The following TBC1D9B variants were observed in gnomAD, a reference collection of about 807,000 sequenced individuals.
The protein encoded by TBC1D9B is TBC1 domain family member 9B.
TBC1D9B carries 87 observed loss-of-function variants against 121.1 expected under a neutral mutation model. That is an observed-to-expected ratio of 0.72 (90% CI 0.60 to 0.86). TBC1D9B has a LOEUF of 0.86. Among genes scored for constraint, TBC1D9B ranks in the 40% least tolerant of loss-of-function variants. TBC1D9B has a pLI of 0.00. For synonymous variants in TBC1D9B, 668 were observed against 670.1 expected, an observed-to-expected ratio of 1.00 and a Z score of 0.05; for missense variants, 1,540 against 1,628.6, an observed-to-expected ratio of 0.95 and a Z score of 0.94.
intron 2 of TBC1D9B, among the ~76,000 whole-genome samples, chr5:179,900,351 C>A (rs572888787): frequency 1.3e-4 from 20 of 152,280 alleles, no homozygotes; most frequent in African/African-American, 4.6e-4. Context: ...TGGCCTGGCT[C>A]CCCTACCCCC....
At chr5:179,896,669 C>T (rs557466153) in intron 3 of TBC1D9B, among the ~76,000 whole-genome samples, 22 of 151,948 alleles carry the variant, frequency 1.4e-4, no homozygotes, top group Non-Finnish European at 2.8e-4. Context: ...ATTACAGGTG[C>T]GCGACACCAT....
In TBC1D9B at chr5:179,907,625, CCCGCCCG is replaced by C. The variant is rs1181249309; in HGVS notation, c.118+72_118+78del. On this transcript the variant is annotated intron_variant, in intron 1 of 20. Transcript: ENST00000355235. The surrounding 1 kb of genome is among the most constrained non-coding windows in gnomAD (Gnocchi z 5.3). ...GCGCCGAGGCCGGGCCGGAACCGGA[CCCGCCCG>C]CCGCCCGCCGCCAGCCCCGCCGCCA... 3.9e-5 allele frequency: 31 copies of C among 801,836 alleles called. No individual in the cohort carries two copies. The Admixed American group carries it at 4.5e-4, about 12-fold the overall frequency. The allele number at this position is 801,836 out of a possible 1,614,324, so 49.7% of individuals were successfully genotyped here.
chr5:179,883,842 G>A (rs554035308), intron 7 of TBC1D9B, among the ~76,000 whole-genome samples: 5 of 152,136 alleles, frequency 3.3e-5, no homozygotes, highest in South Asian at 2.1e-4. Flanking sequence ...GATGTTCTAC[G>A]TACGGGCAGT....
chr5:179,867,647 T>C, intron 18 of TBC1D9B, 131 bp downstream of exon 18: 2 of 1,498,454 alleles, frequency 1.3e-6, no homozygotes, highest in Non-Finnish European at 1.8e-6. Flanking sequence ...CGTGGTCCCC[T>C]GGGGAGAACC....
chr5:179,877,933 T>C (rs78172704), intron 10 of TBC1D9B, among the ~76,000 whole-genome samples: 1 of 152,234 alleles, frequency 6.6e-6, no homozygotes, highest in African/African-American at 2.4e-5. Context: ...AGCTGTGGTT[T>C]TGCAAGATGA....
At position 179,871,857 on chromosome 5, in the gene TBC1D9B, G is replaced by A. The variant is rs190149113; in HGVS notation, c.2416-327C>T. On this transcript the variant is annotated intron_variant, in intron 14 of 20. Transcript: ENST00000355235. ...GGCCCCTTCCCAGGATGGGCTTGGG[G>A]GAGCCTCTCTCTCACACTCCGGGCC... 315 of 112,570 alleles carry A rather than the reference G, an allele frequency of 2.8e-3. 2 individuals are homozygous for A. The highest frequency in any genetic ancestry group is 0.023 in the African/African-American group (281 of 12,022). 7.0% of individuals were successfully genotyped at this position (112,570 alleles called of 1,614,324 possible).
chr5:179,875,027 G>T lies in TBC1D9B; in HGVS notation c.2061C>A (p.Ile687=). The change falls in exon 12 of 21, where the codon ATC becomes ATA. Residue 687 remains isoleucine (I), a synonymous_variant. Transcript: ENST00000355235. The surrounding 1 kb of genome is among the most constrained non-coding windows in gnomAD (Gnocchi z 4.5). ...SVMPFESAVV[I]VDCFFYEGIK... ...TGCCCTCATAGAAAAAGCAGTCGAC[G>T]ATGACCACGGCGCTCTCGAAGGGCA... 1 of 1,614,070 alleles carries T rather than the reference G, an allele frequency of 6.2e-7. No individual in the cohort carries two copies. The highest frequency in any genetic ancestry group is 8.5e-7 in the Non-Finnish European group (1 of 1,180,032).
At position 179,879,238 on chromosome 5, in the gene TBC1D9B, C is replaced by T. The variant is rs764326305; in HGVS notation, c.1417-41G>A. On this transcript the variant is annotated intron_variant, in intron 8 of 20. Coordinates refer to ENST00000355235, the MANE Select transcript of TBC1D9B (RefSeq NM_015043.4). ...ATCAGGGAGCCTGGGGGCCGAAGCG[C>T]ATCTGAGTGCCGAGGCCTAGGCCAC... 4.4e-6 allele frequency: 7 copies of T among 1,578,860 alleles called. No individual in the cohort carries two copies. The South Asian group carries it at 8.0e-5, about 18-fold the overall frequency.
chr5:179,893,819 G>C (rs570236096), intron 4 of TBC1D9B, among the ~76,000 whole-genome samples: 1 of 152,308 alleles, frequency 6.6e-6, no homozygotes, highest in Admixed American at 6.5e-5. Flanking sequence ...ACACAGAACA[G>C]GACACAGCCC....
intron 3 of TBC1D9B, among the ~76,000 whole-genome samples, chr5:179,895,320 G>A (rs1278615410): frequency 6.6e-6 from 1 of 152,170 alleles, no homozygotes; most frequent in African/African-American, 2.4e-5. Context: ...TTCCAGACAT[G>A]CAAACACCAA....
In TBC1D9B at chr5:179,874,943, C is replaced by T. The variant is rs778657329; in HGVS notation, c.2145G>A (p.Leu715=). The T allele has an allele frequency of 1.2e-6, 2 of 1,613,706 alleles. No individual in the cohort carries two copies. Among genetic ancestry groups the T allele is most frequent in the Non-Finnish European group, 1.7e-6 (2 of 1,180,046 alleles). Residue 715 remains leucine, a synonymous_variant, in exon 12 of 21, where the codon CTG becomes CTA. Coordinates refer to ENST00000355235, the MANE Select transcript of TBC1D9B (RefSeq NM_015043.4). This position sits in a 1 kb window ranked among gnomAD's most constrained non-coding sequence, Gnocchi z 4.3. ...AVLDANMEQL[L]GCSDEGEAMT... ...TGGCCTCGCCCTCGTCGCTGCAGCC[C>T]AGCAGCTGCTCCATGTTGGCGTCCA...
Position 179,891,093 on chromosome 5 carries a change from TCA to T in TBC1D9B, c.1044+284_1044+285del, listed in dbSNP as rs1760849085. Among the ~76,000 whole-genome samples the T allele has an allele frequency of 6.6e-6, 1 of 152,196 alleles. No individual in the cohort carries two copies. The highest frequency in any genetic ancestry group is 2.4e-5 in the African/African-American group (1 of 41,442). ...CCCAGAAGGCAGGCCTGATGGAAAC[TCA>T]CGCGTGGGAGACCCTGTCTCCACTA... On this transcript the variant is annotated intron_variant, in intron 6 of 20. Coordinates refer to ENST00000355235, the MANE Select transcript of TBC1D9B (RefSeq NM_015043.4). This position sits in a 1 kb window ranked among gnomAD's most constrained non-coding sequence, Gnocchi z 4.3.
Position 179,878,651 on chromosome 5 carries a change from G to A in TBC1D9B, c.1568-128C>T, listed in dbSNP as rs560124326. On this transcript the variant is annotated intron_variant, in intron 9 of 20. Coordinates refer to ENST00000355235, the MANE Select transcript of TBC1D9B (RefSeq NM_015043.4). ...GGACTTGGGGTCAAGCACAAGCTGC[G>A]AGGCAAGGTTTCCCTTGTGCTCCTG... 54 of 945,546 alleles carry A rather than the reference G, an allele frequency of 5.7e-5. 1 individual carries two copies. The highest frequency in any genetic ancestry group is 3.7e-4 in the East Asian group (14 of 37,862). 58.6% of individuals were successfully genotyped at this position (945,546 alleles called of 1,614,324 possible).
rs926355713 is a variant in TBC1D9B, at chr5:179,865,775, C to T, written c.2914+63G>A. ...TCCCTGGCAGTGACTGGGGAAAAGA[C>T]CAGCAAGCAAGGGTGCCTCAACGCT... On this transcript the variant is annotated intron_variant, in intron 19 of 20. Transcript: ENST00000355235. This position sits in a 1 kb window ranked among gnomAD's most constrained non-coding sequence, Gnocchi z 5.1. 6.6e-7 allele frequency: 1 copy of T among 1,520,870 alleles called. No individual in the cohort carries two copies. The highest frequency in any genetic ancestry group is 2.1e-5 in the Admixed American group (1 of 48,520). 94.2% of individuals were successfully genotyped at this position (1,520,870 alleles called of 1,614,324 possible). A position where few individuals can be genotyped will look rare whatever the true frequency, so the allele number is the denominator to read the frequency against.
intron 7 of TBC1D9B, chr5:179,884,578 T>A (rs1483134203): frequency 6.6e-6 from 1 of 152,228 alleles, no homozygotes; most frequent in Non-Finnish European, 1.5e-5. Context: ...ACACCCATGT[T>A]CACAGCAGTG....
Position 179,907,706 on chromosome 5 carries a change from G to A in TBC1D9B, c.116C>T (p.Thr39Met), listed in dbSNP as rs1445633380. Residue 39 changes from threonine to methionine, a missense_variant and splice_region_variant, in exon 1 of 21, where the codon ACG becomes ATG. Physicochemically the swap from Thr to Met is moderately conservative, Grantham distance 81 (BLOSUM62 -1). Coordinates refer to ENST00000355235, the MANE Select transcript of TBC1D9B (RefSeq NM_015043.4). This position sits in a 1 kb window ranked among gnomAD's most constrained non-coding sequence, Gnocchi z 5.3. ...CCGGCCGCCCGCGCGCCTCTCACCCGTAAGGCCGCCGCCCCTGCCGTGGCC... is the reference window on the plus strand; with the variant it reads ...CCGGCCGCCCGCGCGCCTCTCACCCATAAGGCCGCCGCCCCTGCCGTGGCC... Reference protein sequence around the residue: ...RRGHGRGGGLTGLLVGTLDVV... With the variant: ...RRGHGRGGGLMGLLVGTLDVV... The A allele has an allele frequency of 2.6e-6, 3 of 1,156,230 alleles. No individual in the cohort carries two copies. Among genetic ancestry groups the A allele is most frequent in the African/African-American group, 3.3e-5 (2 of 60,566 alleles). The allele number at this position is 1,156,230 out of a possible 1,614,324, so 71.6% of individuals were successfully genotyped here.
chr5:179,864,763 C>A lies in TBC1D9B; in HGVS notation c.3021+491G>T, dbSNP rs192922410. ...GCACAGCTAGACCGTGGGTCTGGCC[C>A]GAGGGCCATGGTCAGGCTGGTGCTC... On this transcript the variant is annotated intron_variant, in intron 20 of 20. Transcript: ENST00000355235. Among the ~76,000 whole-genome samples, 357 of 152,334 alleles carry A rather than the reference C, an allele frequency of 2.3e-3. 2 individuals are homozygous for A. Among genetic ancestry groups the A allele is most frequent in the African/African-American group, 8.3e-3 (345 of 41,580 alleles).
At position 179,894,479 on chromosome 5, in the gene TBC1D9B, A is replaced by G; in HGVS notation, c.484T>C (p.Cys162Arg). 4 of 1,614,202 alleles carry G rather than the reference A, an allele frequency of 2.5e-6. No homozygotes were observed. The highest frequency in any genetic ancestry group is 1.7e-6 in the Non-Finnish European group (2 of 1,180,010). Reference sequence around the variant, plus strand: ...GGCACGCGGCCCTTCCAGTAGCTGCAGGAGTAGTAATTCACCAGCTTCTCG... The same window carrying G: ...GGCACGCGGCCCTTCCAGTAGCTGCGGGAGTAGTAATTCACCAGCTTCTCG... ...EGEKLVNYYS[C>R]SYWKGRVPRQ... Residue 162 changes from cysteine (C) to arginine (R), a missense_variant, in exon 4 of 21, where the codon TGC (cysteine) becomes CGC (arginine). Transcript: ENST00000355235.
chr5:179,871,667 G>A (rs892966774), intron 14 of TBC1D9B, 137 bp from the exon 15 acceptor site: 31 of 837,082 alleles, frequency 3.7e-5, no homozygotes, highest in Middle Eastern at 3.4e-4. Context: ...ACTCAAGGGC[G>A]GACCCTTCGG....
Sources: allele counts gnomAD v4.1 joint callset (sites outside exome capture counted in the v4.1 genomes callset), GRCh38; gene constraint gnomAD v4.1.1; non-coding constraint Gnocchi (gnomAD v3.1); transcripts MANE v1.5; gene names NCBI Gene and HGNC (gene_info 2026-07-23, HGNC 2026-07-21).